PAK1: variants seen among roughly 807,000 people sequenced by gnomAD.
The protein encoded by PAK1 is p21 (RAC1) activated kinase 1, also known as serine/threonine-protein kinase PAK 1.
In PAK1, 29 loss-of-function variants were observed where a neutral mutation model predicts 67.4. The ratio of observed to expected loss-of-function variants is 0.43; its 90% CI spans 0.32 to 0.59. The LOEUF (loss-of-function observed/expected upper bound fraction) is 0.59, where lower values mean the gene tolerates loss of function less well. PAK1 is among the 20% of genes least tolerant of loss of function. The pLI is 0.07. For synonymous variants in PAK1, 223 were observed against 237.4 expected (o/e 0.94, Z 0.56); for missense variants, 337 against 670.7 (o/e 0.50, Z 5.50).
rs1161295736 is a variant in PAK1 at position 77,323,105 on chromosome 11, C to A, written c.*169G>T. 3 of 1,257,386 alleles carry A rather than the reference C, an allele frequency of 2.4e-6. No homozygotes were observed. The South Asian group carries it at 3.8e-5, about 16-fold the overall frequency. The allele number at this position is 1,257,386 out of a possible 1,614,324, so 77.9% of individuals were successfully genotyped here. A position where few individuals can be genotyped will look rare whatever the true frequency, so the allele number is the denominator to read the frequency against. ...TCTGATTAGTCATTCAGTTGCAGTT[C>A]TCTTCAATGCTGGACACACGGTTTC... On this transcript the variant is annotated 3_prime_UTR_variant, in exon 15 of 15. Transcript: ENST00000356341.
At chr11:77,493,275 G>GTTTTT in the PAK1 span, among the ~76,000 whole-genome samples, 2 of 128,026 alleles carry the variant, frequency 1.6e-5, no homozygotes, top group African/African-American at 6.0e-5. Context: ...TTTTTTTGTT[G>GTTTTT]TTTTTTTTTT....
At chr11:77,420,372 ATGAC>A (rs1324326455) in intron 1 of PAK1, among the ~76,000 whole-genome samples, 2 of 152,212 alleles carry the variant, frequency 1.3e-5, no homozygotes, top group South Asian at 2.1e-4. Flanking sequence ...CAAAGATGAC[ATGAC>A]CTAGTTCTTA....
At chr11:77,410,928 G>C (rs1342972268) in intron 1 of PAK1, among the ~76,000 whole-genome samples, 5 of 151,956 alleles carry the variant, frequency 3.3e-5, no homozygotes, top group Non-Finnish European at 5.9e-5. Flanking sequence ...ATAAGGAAGG[G>C]GCTCCAGAGA....
chr11:77,435,627 G>A (rs1234462480), intron 1 of PAK1, among the ~76,000 whole-genome samples: 7 of 147,212 alleles, frequency 4.8e-5, no homozygotes, highest in African/African-American at 1.5e-4. Context: ...CCAAGTAGCT[G>A]GGACTACAGG....
At chr11:77,385,250 T>A (rs1376248945) in intron 2 of PAK1, among the ~76,000 whole-genome samples, 1 of 152,094 alleles carries the variant, frequency 6.6e-6, no homozygotes, top group African/African-American at 2.4e-5. Context: ...AGGAGAAGGA[T>A]TACAAAGAAA....
chr11:77,398,344 A>G (rs565419430), intron 1 of PAK1, among the ~76,000 whole-genome samples: 20 of 152,208 alleles, frequency 1.3e-4, no homozygotes, highest in Admixed American at 5.2e-4. Context: ...GATCCCACAA[A>G]TAAGTGAGAA....
intron 8 of PAK1, among the ~76,000 whole-genome samples, chr11:77,351,472 T>C (rs1483136536): frequency 6.6e-6 from 1 of 152,138 alleles, no homozygotes. Context: ...TCAATTTCAC[T>C]ACCTAAAGGA....
chr11:77,486,149 G>T, the PAK1 span, among the ~76,000 whole-genome samples: 15 of 152,138 alleles, frequency 9.9e-5, no homozygotes, highest in African/African-American at 3.1e-4. Context: ...GTTTAAAAAG[G>T]TTCCTGTTCC....
At position 77,377,949 on chromosome 11, in the gene PAK1, G is replaced by T. The variant is rs1214573061; in HGVS notation, c.439+1292C>A. ...GGCCAGACGAGAGGAAGGAAATACTGCTGGGCACATGCATGGCCCTCTCCT... is the reference window on the plus strand; with the variant it reads ...GGCCAGACGAGAGGAAGGAAATACTTCTGGGCACATGCATGGCCCTCTCCT... On this transcript the variant is annotated intron_variant, in intron 4 of 14. Transcript: ENST00000356341. 2.0e-5 allele frequency among the ~76,000 whole-genome samples: 3 copies of T among 152,184 alleles called. No individual in the cohort carries two copies. The East Asian group carries it at 5.8e-4, about 29-fold the overall frequency.
At chr11:77,493,451 T>C in the PAK1 span, among the ~76,000 whole-genome samples, 1 of 133,914 alleles carries the variant, frequency 7.5e-6, no homozygotes, top group Non-Finnish European at 1.6e-5. Context: ...GCTAATTTTT[T>C]TTTTTTTTTT....
chr11:77,525,004 C>T, the PAK1 span, among the ~76,000 whole-genome samples: 1 of 152,080 alleles, frequency 6.6e-6, no homozygotes, highest in Non-Finnish European at 1.5e-5. Context: ...AGGTTGAATA[C>T]AATGAGATGT....
intron 9 of PAK1, among the ~76,000 whole-genome samples, chr11:77,344,487 A>T (rs556365556): frequency 3.5e-4 from 54 of 152,204 alleles, no homozygotes; most frequent in Admixed American, 2.1e-3. Flanking sequence ...ACAGAAATAA[A>T]AACAAATTTC....
At chr11:77,339,826 A>G (rs1023280931) in intron 11 of PAK1, among the ~76,000 whole-genome samples, 1 of 144,056 alleles carries the variant, frequency 6.9e-6, no homozygotes, top group Non-Finnish European at 1.5e-5. Context: ...TGGTTTTGGT[A>G]TTTTTTTTTT....
chr11:77,484,764 C>T, the PAK1 span, among the ~76,000 whole-genome samples: 5 of 152,192 alleles, frequency 3.3e-5, no homozygotes, highest in Admixed American at 2.6e-4. Context: ...CAATTGGACT[C>T]ATGGAGCTAG....
At chr11:77,331,901 A>G (rs2136099686) in intron 14 of PAK1, among the ~76,000 whole-genome samples, 1 of 152,166 alleles carries the variant, frequency 6.6e-6, no homozygotes, top group East Asian at 1.9e-4. Context: ...AGCTAATCCC[A>G]GCAAAATATA....
At chr11:77,427,521 C>G (rs1955613660) in intron 1 of PAK1, among the ~76,000 whole-genome samples, 1 of 152,182 alleles carries the variant, frequency 6.6e-6, no homozygotes, top group African/African-American at 2.4e-5. Context: ...GTCAGAGCCT[C>G]TCAGACCTCA....
intron 8 of PAK1, 92 bp from the exon 9 acceptor site, chr11:77,349,379 G>T: frequency 3.1e-6 from 3 of 964,408 alleles, no homozygotes; most frequent in Non-Finnish European, 4.9e-6. Flanking sequence ...CAATCTGTGA[G>T]TGTCAAAAAC....
the PAK1 span, among the ~76,000 whole-genome samples, chr11:77,521,922 T>A: frequency 6.6e-6 from 1 of 152,150 alleles, no homozygotes; most frequent in Non-Finnish European, 1.5e-5. Flanking sequence ...TAGCCGAAAA[T>A]GTAGGCAAAA....
intron 8 of PAK1, among the ~76,000 whole-genome samples, chr11:77,351,844 T>C (rs1945291766): frequency 6.6e-6 from 1 of 151,948 alleles, no homozygotes; most frequent in African/African-American, 2.4e-5. Context: ...AGTTTCTTTT[T>C]AATTTTATCT....
Sources: gnomAD v4.1 joint callset for allele counts (sites outside exome capture counted in the v4.1 genomes callset) on GRCh38, gnomAD v4.1.1 for gene constraint, MANE v1.5 for transcripts, NCBI Gene and HGNC (gene_info 2026-07-23, HGNC 2026-07-21) for gene names.